Variants in WDR3 observed in about 807,000 individuals in gnomAD.
The protein encoded by WDR3 is WD repeat domain 3.
In WDR3, 81 loss-of-function variants were observed where a neutral mutation model predicts 123.7. The observed-to-expected ratio is 0.65, with a 90% confidence interval of 0.55 to 0.79. The LOEUF is 0.79. Among genes scored for constraint, WDR3 ranks in the 30% least tolerant of loss-of-function variants. The probability of loss-of-function intolerance (pLI) is 0.00; values close to 1 mark genes in which losing one functional copy is unlikely to be tolerated. For synonymous variants in WDR3, 390 were observed against 388.8 expected (o/e 1.00, Z -0.04); for missense variants, 1,027 against 1,123.2 (o/e 0.91, Z 1.22).
In WDR3 at chr1:117,962,475, C is replaced by G. The variant is rs1180028298; in HGVS notation, c.*3028C>G. ...AATTCTGTAGTACCATAAAGAAAAG[C>G]CTTTTGAGATTGCAGTGAGCTGAGA... On this transcript the variant is annotated 3_prime_UTR_variant, in exon 27 of 27. Transcript: ENST00000349139. The G allele has an allele frequency of 1.3e-5, 2 of 151,468 alleles. No homozygotes were observed. Among genetic ancestry groups the G allele is most frequent in the African/African-American group, 4.9e-5 (2 of 41,176 alleles). 9.4% of individuals were successfully genotyped at this position (151,468 alleles called of 1,614,324 possible).
chr1:117,954,919 A>G (rs569701320), intron 23 of WDR3, among the ~76,000 whole-genome samples: 2 of 152,140 alleles, frequency 1.3e-5, no homozygotes, highest in Non-Finnish European at 2.9e-5. Flanking sequence ...AATCTAAATT[A>G]ACTTTTGAAT....
At chr1:117,956,157 G>T (rs1431069066) in intron 24 of WDR3, among the ~76,000 whole-genome samples, 1 of 151,804 alleles carries the variant, frequency 6.6e-6, no homozygotes, top group Non-Finnish European at 1.5e-5. Flanking sequence ...ACCTCTTTTT[G>T]CTCTTAAGTA....
At chr1:117,954,877 T>C (rs1204372123) in intron 23 of WDR3, among the ~76,000 whole-genome samples, 1 of 152,138 alleles carries the variant, frequency 6.6e-6, no homozygotes, top group Non-Finnish European at 1.5e-5. Context: ...CCTGTTTATG[T>C]TCAGTGTCCA....
rs1231133712 is a variant in WDR3, at chr1:117,964,495, A to G, written c.*5048A>G. 1.3e-5 allele frequency: 2 copies of G among 152,100 alleles called. No individual in the cohort carries two copies. Among genetic ancestry groups the G allele is most frequent in the East Asian group, 3.9e-4 (2 of 5,188 alleles). 9.4% of individuals were successfully genotyped at this position (152,100 alleles called of 1,614,324 possible). A position where few individuals can be genotyped will look rare whatever the true frequency, so the allele number is the denominator to read the frequency against. On this transcript the variant is annotated 3_prime_UTR_variant, in exon 27 of 27. Coordinates refer to ENST00000349139, the MANE Select transcript of WDR3 (RefSeq NM_006784.3). ...CTTGATTTAGTTACCAGAGGAAAAA[A>G]CTAGTTCTTTGGCTAGTTTCCTTCT... is the stretch of plus-strand genomic sequence containing the variant.
intron 25 of WDR3, among the ~76,000 whole-genome samples, 200 bp downstream of exon 25, chr1:117,957,396 T>TC (rs1652372190): frequency 6.6e-6 from 1 of 152,080 alleles, no homozygotes; most frequent in Non-Finnish European, 1.5e-5. Context: ...AAGCAATCAG[T>TC]CTTGCCTTTA....
At chr1:117,940,699 G>A in intron 6 of WDR3, 128 bp from the exon 7 acceptor site, 1 of 831,472 alleles carries the variant, frequency 1.2e-6, no homozygotes, top group Non-Finnish European at 1.9e-6. Context: ...TTGCACTCCA[G>A]CCTGGGCGAC....
chr1:117,934,478 T>C lies in WDR3; in HGVS notation c.177T>C (p.Leu59=). The C allele has an allele frequency of 6.2e-7, 1 of 1,613,812 alleles. No homozygotes were observed. The highest frequency in any genetic ancestry group is 1.1e-5 in the South Asian group (1 of 91,056). ...IWDLRKGEKI[L]ILQGLKQEVT... Reference sequence around the variant, plus strand: ...TTTAATTTTTATGATTTCAGATTCTTATCCTTCAGGGGCTTAAACAAGAAG... The same window carrying C: ...TTTAATTTTTATGATTTCAGATTCTCATCCTTCAGGGGCTTAAACAAGAAG... Residue 59 remains leucine, a synonymous_variant, in exon 3 of 27, where the codon CTT becomes CTC. Coordinates refer to ENST00000349139, the MANE Select transcript of WDR3 (RefSeq NM_006784.3).
intron 11 of WDR3, among the ~76,000 whole-genome samples, chr1:117,944,218 G>A (rs1651286309): frequency 6.6e-6 from 1 of 152,156 alleles, no homozygotes; most frequent in African/African-American, 2.4e-5. Flanking sequence ...CAAATCCATT[G>A]AGCTAAAAGC....
At chr1:117,948,658 G>A in intron 13 of WDR3, 152 bp downstream of exon 13, 1 of 494,634 alleles carries the variant, frequency 2.0e-6, no homozygotes. Flanking sequence ...ATGACCACCT[G>A]TCATTATGAA....
chr1:117,960,944 T>A lies in WDR3; in HGVS notation c.*1497T>A, dbSNP rs1333442867. ...TTTCCTAATTTTTTTCATCTGAAAC[T>A]TTTCTCATTGTTTCAGATCTCCAAA... On this transcript the variant is annotated 3_prime_UTR_variant, in exon 27 of 27. Coordinates refer to ENST00000349139, the MANE Select transcript of WDR3 (RefSeq NM_006784.3). 6.6e-6 allele frequency: 1 copy of A among 152,218 alleles called. No individual in the cohort carries two copies. Among genetic ancestry groups the A allele is most frequent in the South Asian group, 2.1e-4 (1 of 4,832 alleles). The allele number at this position is 152,218 out of a possible 1,614,324, so 9.4% of individuals were successfully genotyped here.
intron 13 of WDR3, among the ~76,000 whole-genome samples, chr1:117,949,518 C>T (rs1204178210): frequency 6.6e-6 from 1 of 152,072 alleles, no homozygotes; most frequent in African/African-American, 2.4e-5. Context: ...ATAACTAGAA[C>T]TTTTCATTAG....
At chr1:117,941,869 A>G (rs1307380835) in intron 9 of WDR3, 22 bp downstream of exon 9, 2 of 1,590,006 alleles carry the variant, frequency 1.3e-6, no homozygotes, top group Non-Finnish European at 1.7e-6. Flanking sequence ...TAATACTTAC[A>G]TTAATAATGA....
intron 6 of WDR3, 75 bp from the exon 7 acceptor site, chr1:117,940,729 GACAACAACAACAACAACAACAAA>G (rs1651114690): frequency 1.8e-6 from 2 of 1,114,248 alleles, no homozygotes; most frequent in Admixed American, 2.1e-5. Flanking sequence ...CTCTGTCTCC[GACAACAACAACAACAACAACAAA>G]ACAACAACAA....
In WDR3 at chr1:117,938,551, G is replaced by T; in HGVS notation, c.572G>T (p.Arg191Leu). ...TGCTTTAAAACAATGGTTGGCCACC[G>T]GACTGAGGTAAGTGTAGGGTCATGG... ...QHCFKTMVGH[R>L]TEVWGLVLLS... The change falls in exon 5 of 27, where the codon CGG (arginine) becomes CTG (leucine). Residue 191 changes from arginine to leucine, a missense_variant. By Grantham distance (102) the Arg-to-Leu change is moderately radical. Coordinates refer to ENST00000349139, the MANE Select transcript of WDR3 (RefSeq NM_006784.3). 1 of 1,613,012 alleles carries T rather than the reference G, an allele frequency of 6.2e-7. No homozygotes were observed. The highest frequency in any genetic ancestry group is 1.1e-5 in the South Asian group (1 of 91,016).
At position 117,948,407 on chromosome 1, in the gene WDR3, A is replaced by T; in HGVS notation, c.1425A>T (p.Thr475=). Residue 475 remains threonine (T), a splice_region_variant and synonymous_variant, in exon 13 of 27, where the codon ACA becomes ACT. Coordinates refer to ENST00000349139, the MANE Select transcript of WDR3 (RefSeq NM_006784.3). ...GDRQVVIGTK[T]GKLQLYDLAS... is the part of the protein sequence containing the mutation. ...GTGCTCATTTTGTGTCTTCCCAGAC[A>T]GGGAAGCTGCAGCTTTATGACTTGG... 1 of 1,613,502 alleles carries T rather than the reference A, an allele frequency of 6.2e-7. No homozygotes were observed. The highest frequency in any genetic ancestry group is 2.2e-5 in the East Asian group (1 of 44,868).
chr1:117,933,484 A>G lies in WDR3; in HGVS notation c.165A>G (p.Gly55=). Reference sequence around the variant, plus strand: ...TTTTCATCTGGGACTTAAGGAAAGGAGAGAAGGTGAGCCTAAAATGACCAG... The same window carrying G: ...TTTTCATCTGGGACTTAAGGAAAGGGGAGAAGGTGAGCCTAAAATGACCAG... ...EHVFIWDLRK[G]EKILILQGLK... The change falls in exon 2 of 27, where the codon GGA becomes GGG. Residue 55 remains glycine, a synonymous_variant. Transcript: ENST00000349139. 2 of 1,614,100 alleles carry G rather than the reference A, an allele frequency of 1.2e-6. 1 individual carries two copies. The highest frequency in any genetic ancestry group is 4.5e-5 in the East Asian group (2 of 44,876).
Position 117,952,057 on chromosome 1 carries a change from C to G in WDR3, c.1885C>G (p.Leu629Val). The G allele has an allele frequency of 6.2e-7, 1 of 1,613,316 alleles. No homozygotes were observed. Among genetic ancestry groups the G allele is most frequent in the Non-Finnish European group, 8.5e-7 (1 of 1,179,412 alleles). The change falls in exon 17 of 27, where the codon CTC (leucine) becomes GTC (valine). Residue 629 changes from leucine to valine, a missense_variant. Leu to Val is a conservative substitution (Grantham distance 32). Coordinates refer to ENST00000349139, the MANE Select transcript of WDR3 (RefSeq NM_006784.3). Reference protein sequence around the residue: ...GLDFGDCHKSLFAHDDSVMYL... With the variant: ...GLDFGDCHKSVFAHDDSVMYL... ...GGACTTTGGGGACTGCCACAAGTCT[C>G]TCTTTGCACATGATGACAGGTATGT... is the stretch of plus-strand genomic sequence containing the variant.
intron 3 of WDR3, among the ~76,000 whole-genome samples, chr1:117,935,849 A>G (rs1650923654): frequency 6.6e-6 from 1 of 152,002 alleles, no homozygotes; most frequent in Admixed American, 6.5e-5. Flanking sequence ...GGACACTGAA[A>G]AAGTTAAAAT....
chr1:117,950,258 A>T (rs762359943), intron 15 of WDR3, 128 bp downstream of exon 15: 146 of 1,133,328 alleles, frequency 1.3e-4, no homozygotes, highest in Non-Finnish European at 1.7e-4. Context: ...TGTGTGTGTG[A>T]ATCAAAGCAA....
Sources: allele counts gnomAD v4.1 joint callset (sites outside exome capture counted in the v4.1 genomes callset), GRCh38; gene constraint gnomAD v4.1.1; transcripts MANE v1.5; gene names NCBI Gene and HGNC (gene_info 2026-07-23, HGNC 2026-07-21).